ADGRL3: variants seen among roughly 807,000 people sequenced by gnomAD.
ADGRL3 encodes the protein calcium-independent alpha-latrotoxin receptor 3.
A neutral mutation model predicts 153.5 loss-of-function variants in ADGRL3; 62 were observed. That is an observed-to-expected ratio of 0.40 (90% CI 0.33 to 0.50). ADGRL3 has a LOEUF of 0.50. Ranked by LOEUF, ADGRL3 falls within the 20% of genes least tolerant of loss-of-function variation. The probability of loss-of-function intolerance (pLI) is 0.47; values close to 1 mark genes in which losing one functional copy is unlikely to be tolerated. For missense variants in ADGRL3, 1,641 were observed against 1,859.4 expected, an observed-to-expected ratio of 0.88 and a Z score of 2.16; for synonymous variants, 710 against 672.5, an observed-to-expected ratio of 1.06 and a Z score of -0.86.
chr4:61,268,762 AG>A (rs1351183808), intron 1 of ADGRL3, among the ~76,000 whole-genome samples: 1 of 151,666 alleles, frequency 6.6e-6, no homozygotes, highest in African/African-American at 2.4e-5. Flanking sequence ...TGATTGATTG[AG>A]CAAGATAATT....
At chr4:61,849,065 T>A (rs1159454153) in intron 9 of ADGRL3, among the ~76,000 whole-genome samples, 1 of 152,128 alleles carries the variant, frequency 6.6e-6, no homozygotes, top group Non-Finnish European at 1.5e-5. Flanking sequence ...CACAGTGAAG[T>A]TATGATAGCA....
intron 4 of ADGRL3, among the ~76,000 whole-genome samples, chr4:61,571,570 G>A (rs554206467): frequency 5.1e-4 from 77 of 152,052 alleles, no homozygotes; most frequent in East Asian, 9.7e-4. Flanking sequence ...CTGCATGGAG[G>A]CAAATAGTTA....
At chr4:62,068,407 T>C (rs1744123753) in intron 26 of ADGRL3, among the ~76,000 whole-genome samples, 1 of 152,234 alleles carries the variant, frequency 6.6e-6, no homozygotes, top group South Asian at 2.1e-4. Flanking sequence ...TTAAGTTTCA[T>C]GTAATGTTTG....
intron 1 of ADGRL3, among the ~76,000 whole-genome samples, chr4:61,352,763 T>C (rs1359643692): frequency 3.9e-5 from 6 of 152,170 alleles, no homozygotes; most frequent in Non-Finnish European, 8.8e-5. Flanking sequence ...TTGATTGTGG[T>C]GGTCTGGAAC....
chr4:61,920,305 A>T (rs1229662735), intron 13 of ADGRL3, among the ~76,000 whole-genome samples: 1 of 152,236 alleles, frequency 6.6e-6, no homozygotes, highest in Non-Finnish European at 1.5e-5. Flanking sequence ...AAAGGATATT[A>T]AAAACAGCAT....
At chr4:61,505,847 T>C (rs1009284099) in intron 3 of ADGRL3, among the ~76,000 whole-genome samples, 4 of 152,044 alleles carry the variant, frequency 2.6e-5, no homozygotes, top group Non-Finnish European at 5.9e-5. Flanking sequence ...AACAAAAATG[T>C]AAATCAGCAG....
At chr4:61,377,696 C>T (rs2096620344) in intron 1 of ADGRL3, among the ~76,000 whole-genome samples, 1 of 150,876 alleles carries the variant, frequency 6.6e-6, no homozygotes, top group African/African-American at 2.4e-5. Flanking sequence ...TTCCTTTATT[C>T]CTCTATTCTT....
At chr4:61,796,158 T>G (rs1163753254) in intron 8 of ADGRL3, among the ~76,000 whole-genome samples, 2 of 152,140 alleles carry the variant, frequency 1.3e-5, no homozygotes, top group Non-Finnish European at 2.9e-5. Flanking sequence ...ACATTGTAGT[T>G]TGCATCCCAA....
intron 5 of ADGRL3, among the ~76,000 whole-genome samples, chr4:61,608,702 G>T (rs2099042288): frequency 6.6e-6 from 1 of 151,982 alleles, no homozygotes; most frequent in African/African-American, 2.4e-5. Context: ...TCTTTTTTGG[G>T]ACACTATAAG....
At chr4:61,845,477 A>G (rs2098105024) in intron 9 of ADGRL3, among the ~76,000 whole-genome samples, 2 of 151,268 alleles carry the variant, frequency 1.3e-5, no homozygotes, top group African/African-American at 4.9e-5. Flanking sequence ...CAGCCTCCTG[A>G]TTAGCTAGGA....
chr4:61,466,345 C>T lies in ADGRL3; in HGVS notation c.-173-30776C>T, dbSNP rs571111460. ...GCAAAATGTATATTAACTCAGCATA[C>T]GCTTTTGCTATATGAAAAGATAGCT... On this transcript the variant is annotated intron_variant, in intron 2 of 26. Coordinates refer to ENST00000683033, the MANE Select transcript of ADGRL3 (RefSeq NM_001387552.1). Among the ~76,000 whole-genome samples the T allele has an allele frequency of 1.4e-4, 21 of 152,162 alleles. No homozygotes were observed. In the South Asian group the frequency reaches 3.7e-3, roughly 27 times the overall value.
rs764252395 is a variant in ADGRL3, at chr4:61,909,674, G to A, written c.2002G>A (p.Gly668Ser). ...YSVRAMDQLV[G>S]LLDVQLRNLT... ...TGTCCGGGCCATGGACCAGCTGGTA[G>A]GCCTCCTAGATGTACAGCTTCGGAA... Residue 668 changes from glycine (G) to serine (S), a missense_variant, in exon 12 of 27, where the codon GGC becomes AGC. Gly to Ser is a moderately conservative substitution (Grantham distance 56). Around this residue, in one of 5 missense-constraint regions of ADGRL3, gnomAD observed 734 missense variants for 797.0 expected, o/e 0.92. Coordinates refer to ENST00000683033, the MANE Select transcript of ADGRL3 (RefSeq NM_001387552.1). 7 of 1,606,422 alleles carry A rather than the reference G, an allele frequency of 4.4e-6. No homozygotes were observed. Among genetic ancestry groups the A allele is most frequent in the South Asian group, 1.1e-5 (1 of 89,634 alleles).
intron 6 of ADGRL3, among the ~76,000 whole-genome samples, chr4:61,705,661 C>A (rs952900852): frequency 2.0e-5 from 3 of 151,890 alleles, no homozygotes; most frequent in Non-Finnish European, 4.4e-5. Flanking sequence ...CCATGCCCAG[C>A]TAATTTTTTG....
intron 17 of ADGRL3, 144 bp from the exon 18 acceptor site, chr4:61,979,419 A>C (rs1216898638): frequency 1.4e-6 from 1 of 707,804 alleles, no homozygotes; most frequent in Non-Finnish European, 2.4e-6. Context: ...AGAAAACCCA[A>C]ATCATTAAGT....
chr4:61,390,837 G>T (rs893746886), intron 2 of ADGRL3, among the ~76,000 whole-genome samples: 2 of 152,060 alleles, frequency 1.3e-5, no homozygotes, highest in Admixed American at 1.3e-4. Context: ...CTCTGCCTCT[G>T]CCCCTAACTC....
intron 17 of ADGRL3, among the ~76,000 whole-genome samples, chr4:61,949,354 T>C (rs1011256846): frequency 6.6e-6 from 1 of 152,172 alleles, no homozygotes; most frequent in Non-Finnish European, 1.5e-5. Flanking sequence ...AAAATAATAC[T>C]TTTTTTCTGA....
Position 61,983,458 on chromosome 4 carries a change from G to A in ADGRL3, c.3091G>A (p.Val1031Met), listed in dbSNP as rs1283549406. 8 of 1,613,804 alleles carry A rather than the reference G, an allele frequency of 5.0e-6. No homozygotes were observed. Among genetic ancestry groups the A allele is most frequent in the Admixed American group, 1.7e-5 (1 of 59,980 alleles). Residue 1031 changes from valine to methionine, a missense_variant, in exon 19 of 27, where the codon GTG becomes ATG. Around this residue, in one of 5 missense-constraint regions of ADGRL3, gnomAD observed 734 missense variants for 797.0 expected, o/e 0.92. Transcript: ENST00000683033. Reference sequence around the variant, plus strand: ...CTTCACCTGGATGTTCCTGGAGGGGGTGCAGCTTTATATCATGCTGGTGGA... The same window carrying A: ...CTTCACCTGGATGTTCCTGGAGGGGATGCAGCTTTATATCATGCTGGTGGA... ...AAFTWMFLEG[V>M]QLYIMLVEVF...
chr4:61,775,528 C>T (rs772850836), intron 8 of ADGRL3: 1 of 768,354 alleles, frequency 1.3e-6, no homozygotes, highest in Non-Finnish European at 2.3e-6. Context: ...TACTGCACAA[C>T]TGCAACCAAC....
intron 9 of ADGRL3, among the ~76,000 whole-genome samples, chr4:61,840,999 G>A (rs192546354): frequency 1.6e-3 from 243 of 148,088 alleles, no homozygotes; most frequent in Non-Finnish European, 1.7e-3. Flanking sequence ...TCACAAGGGG[G>A]AGTAATAACT....
Sources: allele counts gnomAD v4.1 joint callset (sites outside exome capture counted in the v4.1 genomes callset), GRCh38; gene constraint gnomAD v4.1.1; regional missense constraint gnomAD v4.1.1; transcripts MANE v1.5; gene names NCBI Gene and HGNC (gene_info 2026-07-23, HGNC 2026-07-21).